ARB2A: variants seen among roughly 807,000 people sequenced by gnomAD.
ARB2A encodes ARB2 cotranscriptional regulator A, also known as cotranscriptional regulator ARB2A.
chr5:93,773,086 T>C, the ARB2A span, among the ~76,000 whole-genome samples: 7 of 152,244 alleles, frequency 4.6e-5, no homozygotes, highest in Non-Finnish European at 5.9e-5. Context: ...GGCATAGATA[T>C]GGGACTGCCT....
the ARB2A span, among the ~76,000 whole-genome samples, chr5:93,859,418 T>C: frequency 1.3e-5 from 2 of 151,068 alleles, no homozygotes; most frequent in Non-Finnish European, 3.0e-5. Context: ...CTAAGGCACA[T>C]GAAAAAAAAA....
chr5:93,619,181 T>C, the ARB2A span: 1 of 152,228 alleles, frequency 6.6e-6, no homozygotes, highest in Non-Finnish European at 1.5e-5. Flanking sequence ...ATAGTAATGA[T>C]TGGATAAAAA....
the ARB2A span, among the ~76,000 whole-genome samples, chr5:93,783,927 T>C: frequency 6.6e-6 from 1 of 152,158 alleles, no homozygotes; most frequent in Non-Finnish European, 1.5e-5. Context: ...TTTTCTTCTC[T>C]TCCCTCTACT....
At chr5:93,976,951 T>C in the ARB2A span, among the ~76,000 whole-genome samples, 13 of 151,610 alleles carry the variant, frequency 8.6e-5, no homozygotes, top group African/African-American at 1.9e-4. Flanking sequence ...CATTTCTATA[T>C]ACCAATAACA....
At chr5:93,745,209 G>C in the ARB2A span, among the ~76,000 whole-genome samples, 23 of 152,206 alleles carry the variant, frequency 1.5e-4, no homozygotes, top group Non-Finnish European at 2.9e-4. Context: ...ATCCTTGTAG[G>C]GTTTGGTTCA....
the ARB2A span, chr5:93,865,414 T>C: frequency 5.1e-6 from 5 of 985,418 alleles, no homozygotes; most frequent in Non-Finnish European, 4.8e-6. Context: ...AGAAATTACA[T>C]GCTTTATTCT....
At chr5:93,955,960 A>G in the ARB2A span, among the ~76,000 whole-genome samples, 1 of 152,354 alleles carries the variant, frequency 6.6e-6, no homozygotes, top group African/African-American at 2.4e-5. Flanking sequence ...CAAAGAAGAA[A>G]CAAGTATGAG....
chr5:93,930,626 A>G, the ARB2A span, among the ~76,000 whole-genome samples: 7 of 152,222 alleles, frequency 4.6e-5, no homozygotes, highest in East Asian at 1.3e-3. Context: ...ATGTAAGAAG[A>G]GCACCAGATG....
At chr5:93,683,085 T>C in the ARB2A span, 25 of 1,567,714 alleles carry the variant, frequency 1.6e-5, no homozygotes, top group Non-Finnish European at 2.1e-5. Flanking sequence ...TTTGAGTCTT[T>C]TCCATTCTGA....
chr5:94,004,385 T>A, the ARB2A span, among the ~76,000 whole-genome samples: 1 of 151,958 alleles, frequency 6.6e-6, no homozygotes, highest in Admixed American at 6.6e-5. Flanking sequence ...ATCAAGACCA[T>A]CTTGGCTAAC....
chr5:93,830,236 C>T, the ARB2A span, among the ~76,000 whole-genome samples: 2 of 147,404 alleles, frequency 1.4e-5, no homozygotes, highest in Non-Finnish European at 3.0e-5. Flanking sequence ...TGAGATGGTC[C>T]TAAATACTCC....
the ARB2A span, among the ~76,000 whole-genome samples, chr5:93,730,353 T>G: frequency 6.6e-6 from 1 of 152,082 alleles, no homozygotes; most frequent in Non-Finnish European, 1.5e-5. Context: ...TAAATCCCTG[T>G]ATGGGGAGTC....
the ARB2A span, among the ~76,000 whole-genome samples, chr5:93,855,584 C>T: frequency 2.6e-5 from 4 of 152,254 alleles, no homozygotes; most frequent in Middle Eastern, 0.014. Flanking sequence ...CATGATTTTG[C>T]AGTGGCTGGT....
chr5:93,674,644 A>C, the ARB2A span, among the ~76,000 whole-genome samples: 2 of 152,206 alleles, frequency 1.3e-5, no homozygotes, highest in Non-Finnish European at 2.9e-5. Flanking sequence ...AATAATGCAA[A>C]ATGCACATGG....
chr5:94,088,614 CTGAGCCATGATCATGCCACTG>C, the ARB2A span, among the ~76,000 whole-genome samples: 1 of 152,114 alleles, frequency 6.6e-6, no homozygotes, highest in Non-Finnish European at 1.5e-5. Flanking sequence ...TGACGTTACA[CTGAGCCATGATCATGCCACTG>C]TGCTCCAGCC....
At chr5:93,850,426 A>T in the ARB2A span, among the ~76,000 whole-genome samples, 1 of 152,172 alleles carries the variant, frequency 6.6e-6, no homozygotes, top group Non-Finnish European at 1.5e-5. Context: ...AGGTATGTAC[A>T]GGGTGGAAGA....
chr5:93,770,438 T>C, the ARB2A span, among the ~76,000 whole-genome samples: 1 of 152,144 alleles, frequency 6.6e-6, no homozygotes, highest in Non-Finnish European at 1.5e-5. Flanking sequence ...TTCAACATAG[T>C]GTTGGAAGTT....
the ARB2A span, among the ~76,000 whole-genome samples, chr5:93,921,118 G>A: frequency 3.8e-4 from 54 of 141,842 alleles, no homozygotes; most frequent in African/African-American, 1.2e-3. Flanking sequence ...GTGGTTGCCC[G>A]CCATTTCAAG....
chr5:93,912,810 C>T, the ARB2A span, among the ~76,000 whole-genome samples: 2 of 151,826 alleles, frequency 1.3e-5, no homozygotes, highest in Non-Finnish European at 1.5e-5. Context: ...CCTTACTGAA[C>T]ACAACATCTT....
Sources: gnomAD v4.1 joint callset for allele counts (sites outside exome capture counted in the v4.1 genomes callset) on GRCh38, gnomAD v4.1.1 for gene constraint, MANE v1.5 for transcripts, NCBI Gene and HGNC (gene_info 2026-07-23, HGNC 2026-07-21) for gene names.